The following LYPLAL1 variants were observed in gnomAD, a reference collection of about 807,000 sequenced individuals.
The protein encoded by LYPLAL1 is lysophospholipase like 1, also known as lysophospholipase-like protein 1.
In LYPLAL1, 23 loss-of-function variants were observed where a neutral mutation model predicts 19.7. The ratio of observed to expected loss-of-function variants is 1.17; its 90% confidence interval spans 0.84 to 1.65. LYPLAL1 has a LOEUF of 1.65. Ranked by LOEUF, LYPLAL1 falls within the 40% of genes most tolerant of loss-of-function variation. LYPLAL1 has a pLI of 0.00. For synonymous variants in LYPLAL1, 119 were observed against 96.3 expected, an observed-to-expected ratio of 1.24 and a Z score of -1.38; for missense variants, 355 against 279.4, an observed-to-expected ratio of 1.27 and a Z score of -1.93.
At chr1:219,179,665 CA>C (rs773569564) in intron 2 of LYPLAL1, among the ~76,000 whole-genome samples, 112 of 152,230 alleles carry the variant, frequency 7.4e-4, no homozygotes, top group Non-Finnish European at 9.4e-4. Context: ...GCATTCTTTC[CA>C]CATTTAAAAG....
At chr1:219,270,185 G>A in the LYPLAL1 span, among the ~76,000 whole-genome samples, 90 of 152,318 alleles carry the variant, frequency 5.9e-4, no homozygotes, top group African/African-American at 2.0e-3. Flanking sequence ...TTTTAGTGGT[G>A]TTGTTGTTTG....
the LYPLAL1 span, among the ~76,000 whole-genome samples, chr1:219,380,429 G>A: frequency 1.3e-5 from 2 of 152,204 alleles, no homozygotes; most frequent in African/African-American, 2.4e-5. Flanking sequence ...AAGAGTCCTG[G>A]GGAGGGAGGG....
chr1:219,422,729 G>A, the LYPLAL1 span, among the ~76,000 whole-genome samples: 15 of 152,126 alleles, frequency 9.9e-5, no homozygotes, highest in African/African-American at 3.4e-4. Context: ...GGATAAAATC[G>A]TTGGTTGGAT....
the LYPLAL1 span, among the ~76,000 whole-genome samples, chr1:219,388,223 T>C: frequency 6.6e-6 from 1 of 152,168 alleles, no homozygotes; most frequent in African/African-American, 2.4e-5. Context: ...TGCTTCCTCA[T>C]ATGGAGAGTG....
the LYPLAL1 span, among the ~76,000 whole-genome samples, chr1:219,292,781 A>T: frequency 6.6e-6 from 1 of 152,138 alleles, no homozygotes; most frequent in African/African-American, 2.4e-5. Context: ...TTATAAAAAT[A>T]TGTGTTTTAT....
the LYPLAL1 span, among the ~76,000 whole-genome samples, chr1:219,259,658 T>C: frequency 6.6e-6 from 1 of 150,938 alleles, no homozygotes; most frequent in African/African-American, 2.4e-5. Context: ...TGGAGAGAAG[T>C]GAGAGATAAA....
chr1:219,304,814 G>T, the LYPLAL1 span, among the ~76,000 whole-genome samples: 1 of 152,128 alleles, frequency 6.6e-6, no homozygotes, highest in Non-Finnish European at 1.5e-5. Context: ...GGAATTAAAG[G>T]CTAGTCTACA....
At chr1:219,327,309 CT>C in the LYPLAL1 span, among the ~76,000 whole-genome samples, 1 of 152,264 alleles carries the variant, frequency 6.6e-6, no homozygotes, top group African/African-American at 2.4e-5. Flanking sequence ...GCACAACTCG[CT>C]TTAATTGCTC....
the LYPLAL1 span, among the ~76,000 whole-genome samples, chr1:219,230,310 A>G: frequency 2.6e-5 from 4 of 152,214 alleles, no homozygotes; most frequent in East Asian, 1.9e-4. Context: ...ACGGGGTTTC[A>G]CCATATTGGC....
chr1:219,251,422 A>C, the LYPLAL1 span, among the ~76,000 whole-genome samples: 1 of 152,092 alleles, frequency 6.6e-6, no homozygotes, highest in Non-Finnish European at 1.5e-5. Flanking sequence ...TTTTACATTT[A>C]AGTCTTTGAT....
At chr1:219,343,959 CTT>C in the LYPLAL1 span, among the ~76,000 whole-genome samples, 1 of 152,076 alleles carries the variant, frequency 6.6e-6, no homozygotes, top group East Asian at 1.9e-4. Flanking sequence ...TCCATTCACA[CTT>C]GTCTTTCTCT....
the LYPLAL1 span, among the ~76,000 whole-genome samples, chr1:219,372,278 T>C: frequency 6.6e-6 from 1 of 152,118 alleles, no homozygotes; most frequent in Non-Finnish European, 1.5e-5. Flanking sequence ...ATTAAACAAA[T>C]AAATAAATAA....
chr1:219,289,084 T>G, the LYPLAL1 span, among the ~76,000 whole-genome samples: 17 of 150,260 alleles, frequency 1.1e-4, no homozygotes, highest in East Asian at 3.9e-4. Flanking sequence ...TTTTGTTTTT[T>G]TTGTTTTTTT....
chr1:219,322,111 G>A, the LYPLAL1 span, among the ~76,000 whole-genome samples: 4 of 152,176 alleles, frequency 2.6e-5, no homozygotes, highest in South Asian at 2.1e-4. Context: ...CTTCACTTCA[G>A]TTTTCATTGT....
the LYPLAL1 span, among the ~76,000 whole-genome samples, chr1:219,342,295 A>C: frequency 6.6e-6 from 1 of 152,094 alleles, no homozygotes; most frequent in African/African-American, 2.4e-5. Context: ...CAGCTTTAGG[A>C]GGGAGATAGA....
the LYPLAL1 span, among the ~76,000 whole-genome samples, chr1:219,396,546 T>C: frequency 1.3e-5 from 2 of 152,238 alleles, no homozygotes; most frequent in Non-Finnish European, 2.9e-5. Flanking sequence ...TTCCTATCTG[T>C]GGTCATAGAA....
At chr1:219,282,405 T>C in the LYPLAL1 span, among the ~76,000 whole-genome samples, 1 of 149,534 alleles carries the variant, frequency 6.7e-6, no homozygotes, top group African/African-American at 2.5e-5. Flanking sequence ...AGAGAGAAAA[T>C]GAAGGGGGGA....
At chr1:219,303,253 T>A in the LYPLAL1 span, among the ~76,000 whole-genome samples, 1 of 152,264 alleles carries the variant, frequency 6.6e-6, no homozygotes, top group South Asian at 2.1e-4. Flanking sequence ...CAGGCACTGA[T>A]CTAGTTACTC....
At chr1:219,229,095 A>G in the LYPLAL1 span, among the ~76,000 whole-genome samples, 1 of 152,010 alleles carries the variant, frequency 6.6e-6, no homozygotes, top group Non-Finnish European at 1.5e-5. Context: ...AGGGTAAATA[A>G]TTTGCCTAAA....
Sources: allele counts gnomAD v4.1 joint callset (sites outside exome capture counted in the v4.1 genomes callset), GRCh38; gene constraint gnomAD v4.1.1; transcripts MANE v1.5; gene names NCBI Gene and HGNC (gene_info 2026-07-23, HGNC 2026-07-21).